The following CSMD3 variants were observed in gnomAD, a reference collection of about 807,000 sequenced individuals.
CSMD3 encodes the protein CUB and sushi domain-containing protein 3.
In CSMD3, 177 loss-of-function variants were observed where a neutral mutation model predicts 435.2. The ratio of observed to expected loss-of-function variants is 0.41; its 90% CI spans 0.36 to 0.46. The LOEUF (loss-of-function observed/expected upper bound fraction) is 0.46. Ranked by LOEUF, CSMD3 falls within the 20% of genes least tolerant of loss-of-function variation. The pLI is 0.34. For synonymous variants in CSMD3, 1,656 were observed against 1,520.5 expected (o/e 1.09, Z -2.07); for missense variants, 4,265 against 4,504.6 (o/e 0.95, Z 1.52).
intron 5 of CSMD3, among the ~76,000 whole-genome samples, chr8:113,049,466 AACTGTCTACTTTTCAAT>A (rs1206133095): frequency 6.6e-6 from 1 of 152,122 alleles, no homozygotes; most frequent in Non-Finnish European, 1.5e-5. Context: ...ATTAATAATG[AACTGTCTACTTTTCAAT>A]ACAGAATTGG....
chr8:112,657,581 A>T (rs2131667795), intron 17 of CSMD3, among the ~76,000 whole-genome samples: 1 of 152,320 alleles, frequency 6.6e-6, no homozygotes, highest in East Asian at 1.9e-4. Flanking sequence ...TTAAAAAAAT[A>T]GCATTTTGTA....
chr8:112,996,598 T>C (rs1021886198), intron 6 of CSMD3, among the ~76,000 whole-genome samples: 1 of 151,668 alleles, frequency 6.6e-6, no homozygotes, highest in African/African-American at 2.4e-5. Context: ...GTTTCTTTGA[T>C]ATGGCTATCA....
chr8:112,899,617 ATATATATATATATATG>A (rs2082049735), intron 10 of CSMD3, among the ~76,000 whole-genome samples: 2 of 108,922 alleles, frequency 1.8e-5, no homozygotes, highest in East Asian at 4.9e-4. Flanking sequence ...ATATATATAT[ATATATATATATATATG>A]TATATACATA....
At chr8:112,380,830 T>C (rs1586932233) in intron 37 of CSMD3, among the ~76,000 whole-genome samples, 2 of 152,190 alleles carry the variant, frequency 1.3e-5, no homozygotes, top group African/African-American at 4.8e-5. Context: ...TGTAAAGTTA[T>C]ATTCTGTTAG....
At chr8:113,416,081 T>C (rs2094580556) in intron 1 of CSMD3, among the ~76,000 whole-genome samples, 2 of 152,132 alleles carry the variant, frequency 1.3e-5, no homozygotes, top group Admixed American at 6.6e-5. Flanking sequence ...TTCTTTTCTA[T>C]GTCCTTAGCA....
intron 7 of CSMD3, among the ~76,000 whole-genome samples, chr8:112,968,896 G>T (rs1359369359): frequency 1.3e-5 from 2 of 151,860 alleles, no homozygotes; most frequent in Non-Finnish European, 2.9e-5. Context: ...TGCTTATTAA[G>T]ATTTTAAAAA....
intron 48 of CSMD3, 82 bp from the exon 49 acceptor site, chr8:112,314,134 A>G: frequency 9.4e-7 from 1 of 1,059,120 alleles, no homozygotes; most frequent in South Asian, 1.3e-5. Context: ...TTAGAATAGT[A>G]TTAAATATGG....
At chr8:112,521,603 C>T (rs894098784) in intron 27 of CSMD3, among the ~76,000 whole-genome samples, 10 of 151,832 alleles carry the variant, frequency 6.6e-5, no homozygotes, top group African/African-American at 2.4e-4. Context: ...TCCCTTCTTT[C>T]CACAATTTCT....
intron 6 of CSMD3, among the ~76,000 whole-genome samples, chr8:113,004,659 A>G (rs2085988773): frequency 6.6e-6 from 1 of 151,946 alleles, no homozygotes; most frequent in African/African-American, 2.4e-5. Flanking sequence ...TGTGGAATCA[A>G]TAGTCTAACA....
At chr8:112,344,865 CT>C (rs1245253966) in intron 41 of CSMD3, among the ~76,000 whole-genome samples, 2 of 151,916 alleles carry the variant, frequency 1.3e-5, no homozygotes, top group Non-Finnish European at 2.9e-5. Flanking sequence ...ATTCATACTA[CT>C]TTTTAAAAAT....
At chr8:112,318,481 G>C (rs902445263) in intron 47 of CSMD3, among the ~76,000 whole-genome samples, 3 of 151,956 alleles carry the variant, frequency 2.0e-5, no homozygotes, top group Non-Finnish European at 4.4e-5. Context: ...CTAGTGGTTA[G>C]ATAAGAAGCT....
chr8:112,519,897 T>C (rs927572757), intron 27 of CSMD3, among the ~76,000 whole-genome samples: 1 of 152,154 alleles, frequency 6.6e-6, no homozygotes, highest in Non-Finnish European at 1.5e-5. Context: ...AAGTGTTGAA[T>C]AGAGCGTAAA....
At chr8:112,770,151 C>G (rs2132190628) in intron 13 of CSMD3, among the ~76,000 whole-genome samples, 1 of 152,048 alleles carries the variant, frequency 6.6e-6, no homozygotes, top group Non-Finnish European at 1.5e-5. Flanking sequence ...GCTCATACAA[C>G]TCGTTGGCTC....
intron 2 of CSMD3, among the ~76,000 whole-genome samples, chr8:113,301,694 A>G (rs72670750): frequency 0.099 from 15,094 of 152,024 alleles, 1,136 homozygotes; most frequent in African/African-American, 0.21. Context: ...AGTATTTCTG[A>G]AAACAAACTG....
chr8:112,491,433 T>A (rs1458598294), intron 31 of CSMD3, among the ~76,000 whole-genome samples: 1 of 152,082 alleles, frequency 6.6e-6, no homozygotes, highest in Non-Finnish European at 1.5e-5. Context: ...GGTGGATGGA[T>A]TTCTTGAGGC....
chr8:113,209,933 T>C (rs2092812985), intron 3 of CSMD3, among the ~76,000 whole-genome samples: 1 of 152,042 alleles, frequency 6.6e-6, no homozygotes, highest in Admixed American at 6.6e-5. Flanking sequence ...CTGTATTTTC[T>C]CTCTTTTCTT....
At chr8:112,334,122 A>C (rs1181527669) in intron 45 of CSMD3, among the ~76,000 whole-genome samples, 2 of 152,198 alleles carry the variant, frequency 1.3e-5, no homozygotes, top group Admixed American at 1.3e-4. Context: ...AGAAGAGATC[A>C]GCGTGTTCAT....
intron 4 of CSMD3, among the ~76,000 whole-genome samples, chr8:113,144,851 G>A (rs1314779001): frequency 6.6e-6 from 1 of 151,466 alleles, no homozygotes; most frequent in Non-Finnish European, 1.5e-5. Flanking sequence ...TAGTAGGGGA[G>A]AAGAGAAATA....
intron 32 of CSMD3, among the ~76,000 whole-genome samples, chr8:112,427,516 C>T (rs1813196216): frequency 6.6e-6 from 1 of 152,124 alleles, no homozygotes; most frequent in African/African-American, 2.4e-5. Context: ...TGTAAGTGTC[C>T]TGAGGCCTCC....
Sources: allele counts gnomAD v4.1 joint callset (sites outside exome capture counted in the v4.1 genomes callset), GRCh38; gene constraint gnomAD v4.1.1; transcripts MANE v1.5; gene names NCBI Gene and HGNC (gene_info 2026-07-23, HGNC 2026-07-21).